The following PDE3A variants were observed in gnomAD, a reference collection of about 807,000 sequenced individuals.
PDE3A encodes phosphodiesterase 3A.
In PDE3A, 43 loss-of-function variants were observed where a neutral mutation model predicts 98.3. The ratio of observed to expected loss-of-function variants is 0.44; its 90% confidence interval spans 0.34 to 0.56. The LOEUF is 0.56. Among genes scored for constraint, PDE3A ranks in the 20% least tolerant of loss-of-function variants. The probability of loss-of-function intolerance (pLI) is 0.01; values close to 1 mark genes in which losing one functional copy is unlikely to be tolerated. For synonymous variants in PDE3A, 663 were observed against 567.9 expected (o/e 1.17, Z -2.38); for missense variants, 1,427 against 1,440.7 (o/e 0.99, Z 0.15).
rs1944342811 is a variant in PDE3A at position 20,629,852 on chromosome 12, G to A, written c.1541-56G>A. Reference sequence around the variant, plus strand: ...AGAGTCCAGGTGAAGTTCAACAGTTGCAATTTTGCATTTTAAAGACATTTG... The same window carrying A: ...AGAGTCCAGGTGAAGTTCAACAGTTACAATTTTGCATTTTAAAGACATTTG... On this transcript the variant is annotated intron_variant, in intron 5 of 15. Coordinates refer to ENST00000359062, the MANE Select transcript of PDE3A (RefSeq NM_000921.5). 20 of 1,323,074 alleles carry A rather than the reference G, an allele frequency of 1.5e-5. 1 individual carries two copies. In the South Asian group the frequency reaches 2.1e-4, roughly 14 times the overall value. 82.0% of individuals were successfully genotyped at this position (1,323,074 alleles called of 1,614,324 possible).
At chr12:20,539,780 A>C (rs1941847690) in intron 1 of PDE3A, among the ~76,000 whole-genome samples, 1 of 152,132 alleles carries the variant, frequency 6.6e-6, no homozygotes, top group Non-Finnish European at 1.5e-5. Flanking sequence ...ACGGCATCCA[A>C]ACCTTTAGGT....
rs577867452 is a variant in PDE3A at position 20,683,374 on chromosome 12, T to C, written c.*3103T>C. On this transcript the variant is annotated 3_prime_UTR_variant, in exon 16 of 16. Transcript: ENST00000359062. ...ATAGGTGCCATTAAACTCAGGTCTT[T>C]CAAATGAAAGAGTTTCTAGCCCACT... The C allele has an allele frequency of 2.0e-5, 3 of 152,306 alleles. No homozygotes were observed. The highest frequency in any genetic ancestry group is 2.1e-4 in the South Asian group (1 of 4,824). The allele number at this position is 152,306 out of a possible 1,614,324, so 9.4% of individuals were successfully genotyped here.
chr12:20,448,104 C>A (rs1944990221), intron 1 of PDE3A, among the ~76,000 whole-genome samples: 1 of 152,092 alleles, frequency 6.6e-6, no homozygotes, highest in Non-Finnish European at 1.5e-5. Context: ...AGCGAGGAGC[C>A]CATTAACCAT....
chr12:20,525,978 A>G (rs1466281762), intron 1 of PDE3A, among the ~76,000 whole-genome samples: 1 of 152,216 alleles, frequency 6.6e-6, no homozygotes, highest in Non-Finnish European at 1.5e-5. Context: ...TTTTCTCAGT[A>G]AAAGAAAACA....
chr12:20,438,999 T>C (rs1039183902), intron 1 of PDE3A, among the ~76,000 whole-genome samples: 1 of 152,112 alleles, frequency 6.6e-6, no homozygotes, highest in Non-Finnish European at 1.5e-5. Flanking sequence ...TTCACCATGT[T>C]GGTCAGGGTG....
chr12:20,369,200 T>TGG lies in PDE3A; in HGVS notation c.-84_-83insGG. On this transcript the variant is annotated 5_prime_UTR_variant, in exon 1 of 16. Coordinates refer to ENST00000359062, the MANE Select transcript of PDE3A (RefSeq NM_000921.5). ...GGAAGAGCGTGCGTGCGTGTGTGTGTGTGTGTGTGTGCGCGCGCGCGCGTG... is the reference window on the plus strand; with the variant it reads ...GGAAGAGCGTGCGTGCGTGTGTGTGTGGGTGTGTGTGTGCGCGCGCGCGCGTG... 1.3e-5 allele frequency: 11 copies of TGG among 832,576 alleles called. No individual in the cohort carries two copies. The highest frequency in any genetic ancestry group is 1.8e-5 in the Non-Finnish European group (10 of 544,162). The allele number at this position is 832,576 out of a possible 1,614,324, so 51.6% of individuals were successfully genotyped here. A position where few individuals can be genotyped will look rare whatever the true frequency, so the allele number is the denominator to read the frequency against.
At chr12:20,627,677 T>C (rs1944296671) in intron 5 of PDE3A, among the ~76,000 whole-genome samples, 1 of 152,132 alleles carries the variant, frequency 6.6e-6, no homozygotes, top group African/African-American at 2.4e-5. Context: ...TTACTTGAAT[T>C]TAAGTTAATT....
At chr12:20,416,864 C>G (rs5014039) in intron 1 of PDE3A, among the ~76,000 whole-genome samples, 1 of 151,770 alleles carries the variant, frequency 6.6e-6, no homozygotes, top group Non-Finnish European at 1.5e-5. Context: ...GGAACAGATA[C>G]TTTGTATAGC....
intron 1 of PDE3A, among the ~76,000 whole-genome samples, chr12:20,549,601 T>C (rs949387043): frequency 2.0e-5 from 3 of 152,136 alleles, no homozygotes; most frequent in African/African-American, 7.2e-5. Flanking sequence ...GAGTTCATTC[T>C]TTTTGAATAT....
intron 1 of PDE3A, among the ~76,000 whole-genome samples, chr12:20,430,491 T>C (rs1267361501): frequency 1.3e-5 from 2 of 152,154 alleles, no homozygotes; most frequent in African/African-American, 4.8e-5. Flanking sequence ...TTTTCTTTTG[T>C]CTAAAACAAA....
Position 20,607,681 on chromosome 12 carries a change from T to G in PDE3A, c.1012-5762T>G, listed in dbSNP as rs201608422. Among the ~76,000 whole-genome samples, 7 of 151,794 alleles carry G rather than the reference T, an allele frequency of 4.6e-5. No homozygotes were observed. The East Asian group carries it at 1.4e-3, about 29-fold the overall frequency. On this transcript the variant is annotated intron_variant, in intron 2 of 15. Transcript: ENST00000359062. Reference sequence around the variant, plus strand: ...ATAAATATTTCTATTACAAGGAGAGTCTGTGAAGTAGAATGTTTTATATTG... The same window carrying G: ...ATAAATATTTCTATTACAAGGAGAGGCTGTGAAGTAGAATGTTTTATATTG...
intron 1 of PDE3A, among the ~76,000 whole-genome samples, chr12:20,417,295 T>C (rs978742818): frequency 3.3e-5 from 5 of 152,344 alleles, no homozygotes; most frequent in Middle Eastern, 3.4e-3. Context: ...CGAAGTCTTA[T>C]ATTAGAATGA....
At chr12:20,580,628 G>C (rs1340176668) in intron 2 of PDE3A, among the ~76,000 whole-genome samples, 1 of 152,142 alleles carries the variant, frequency 6.6e-6, no homozygotes, top group African/African-American at 2.4e-5. Context: ...ACAAGCAAAG[G>C]CTTTCTGATT....
At chr12:20,535,086 C>T (rs192784412) in intron 1 of PDE3A, among the ~76,000 whole-genome samples, 27 of 152,216 alleles carry the variant, frequency 1.8e-4, no homozygotes, top group Non-Finnish European at 1.0e-4. Context: ...TGTTGATAGA[C>T]TCATCTTTCT....
chr12:20,433,860 G>A (rs2120812964), intron 1 of PDE3A, among the ~76,000 whole-genome samples: 1 of 152,188 alleles, frequency 6.6e-6, no homozygotes, highest in Middle Eastern at 3.4e-3. Flanking sequence ...ATTGTGGAGA[G>A]AGATCATGTG....
intron 2 of PDE3A, among the ~76,000 whole-genome samples, chr12:20,592,123 T>C (rs1943352883): frequency 6.6e-6 from 1 of 152,130 alleles, no homozygotes; most frequent in South Asian, 2.1e-4. Context: ...TAGTCTTAGG[T>C]AGGTTACATT....
intron 1 of PDE3A, among the ~76,000 whole-genome samples, chr12:20,456,743 T>C (rs1049772051): frequency 2.0e-5 from 3 of 152,112 alleles, no homozygotes; most frequent in Non-Finnish European, 4.4e-5. Context: ...TTCTTAGAAG[T>C]TTAATAATCC....
chr12:20,462,005 T>C (rs141192162), intron 1 of PDE3A, among the ~76,000 whole-genome samples: 1,572 of 152,300 alleles, frequency 0.01, 31 homozygotes, highest in African/African-American at 0.036. Flanking sequence ...ACTTTCCTGC[T>C]GCATGTCTCA....
At chr12:20,386,248 ATT>A (rs1287463903) in intron 1 of PDE3A, among the ~76,000 whole-genome samples, 2 of 130,542 alleles carry the variant, frequency 1.5e-5, no homozygotes, top group African/African-American at 5.8e-5. Context: ...ATATAAATAT[ATT>A]AATTATATTA....
Sources: allele counts gnomAD v4.1 joint callset (sites outside exome capture counted in the v4.1 genomes callset), GRCh38; gene constraint gnomAD v4.1.1; transcripts MANE v1.5; gene names NCBI Gene and HGNC (gene_info 2026-07-23, HGNC 2026-07-21).